Variants in ERICH1 observed in about 807,000 individuals in gnomAD.
ERICH1 encodes the protein glutamate-rich protein 1.
Under a neutral mutation model 39.6 loss-of-function variants are expected in ERICH1, and 56 were observed. That is an observed-to-expected ratio of 1.41 (90% CI 1.14 to 1.77). The LOEUF is 1.77. Ranked by LOEUF, ERICH1 falls within the 40% of genes most tolerant of loss-of-function variation. The probability of loss-of-function intolerance (pLI) is 0.00; values close to 1 mark genes in which losing one functional copy is unlikely to be tolerated. For missense variants in ERICH1, 826 were observed against 575.4 expected (o/e 1.44, Z -4.45); for synonymous variants, 313 against 223.6 (o/e 1.40, Z -3.57).
At chr8:622,563 T>C (rs560287158) in intron 3 of ERICH1, among the ~76,000 whole-genome samples, 9 of 152,272 alleles carry the variant, frequency 5.9e-5, no homozygotes, top group African/African-American at 1.9e-4. Context: ...ATTCTGCTGT[T>C]TATAAAGCAC....
chr8:704,891 G>A (rs971434972), intron 2 of ERICH1, among the ~76,000 whole-genome samples: 2 of 152,146 alleles, frequency 1.3e-5, no homozygotes, highest in African/African-American at 4.8e-5. Flanking sequence ...GCAGAACATT[G>A]CTGTTTTTAA....
At chr8:712,260 G>A (rs1052591809) in intron 2 of ERICH1, among the ~76,000 whole-genome samples, 2 of 152,008 alleles carry the variant, frequency 1.3e-5, no homozygotes, top group African/African-American at 2.4e-5. Context: ...CTATAATATC[G>A]AGTCTTCCTA....
chr8:639,110 G>A (rs57795950), intron 3 of ERICH1, among the ~76,000 whole-genome samples: 161 of 152,272 alleles, frequency 1.1e-3, no homozygotes, highest in African/African-American at 3.8e-3. Flanking sequence ...GTGGCCACCT[G>A]GCACTGGCTT....
chr8:634,199 A>AACAAACAAACAAACAAAAAAAT lies in ERICH1; in HGVS notation c.977-18916_977-18915insATTTTTTTGTTTGTTTGTTTGT, dbSNP rs1563171397. Reference sequence around the variant, plus strand: ...AAAAAAAAAAAAACAAACAAAAAAAACCCTGATTCAAAAATGGCCAAAGGA... The same window carrying AACAAACAAACAAACAAAAAAAT: ...AAAAAAAAAAAAACAAACAAAAAAAAACAAACAAACAAACAAAAAAATCCCTGATTCAAAAATGGCCAAAGGA... On this transcript the variant is annotated intron_variant, in intron 3 of 3. Coordinates refer to the ERICH1 transcript ENST00000522706. Among the ~76,000 whole-genome samples the AACAAACAAACAAACAAAAAAAT allele has an allele frequency of 1.1e-3, 164 of 151,292 alleles. 2 individuals carry two copies. The highest frequency in any genetic ancestry group is 3.8e-3 in the African/African-American group (156 of 40,750).
intron 1 of ERICH1, 38 bp from the exon 2 acceptor site, chr8:716,045 G>A (rs775296227): frequency 1.3e-6 from 2 of 1,564,682 alleles, no homozygotes; most frequent in Non-Finnish European, 1.7e-6. Flanking sequence ...GGAGGAAAAG[G>A]AATGAATTAT....
At chr8:697,752 T>G (rs911602822) in intron 2 of ERICH1, among the ~76,000 whole-genome samples, 2 of 149,582 alleles carry the variant, frequency 1.3e-5, no homozygotes, top group African/African-American at 4.9e-5. Context: ...GGACTTCAGC[T>G]GTCAGCACAG....
chr8:621,662 T>C (rs987544055), intron 3 of ERICH1, among the ~76,000 whole-genome samples: 1 of 152,106 alleles, frequency 6.6e-6, no homozygotes. Flanking sequence ...CAATGGTTAG[T>C]TCTTTGAAAA....
intron 3 of ERICH1, among the ~76,000 whole-genome samples, chr8:629,195 C>A (rs368702671): frequency 6.6e-6 from 1 of 152,192 alleles, no homozygotes; most frequent in African/African-American, 2.4e-5. Flanking sequence ...CCCTTCCTAG[C>A]CACACTCAGG....
chr8:633,275 C>A (rs1798167064), intron 3 of ERICH1, among the ~76,000 whole-genome samples: 1 of 152,152 alleles, frequency 6.6e-6, no homozygotes, highest in African/African-American at 2.4e-5. Flanking sequence ...AGAGGCACAG[C>A]TAAAAACGTG....
At chr8:658,199 C>T (rs372555390) in intron 3 of ERICH1, among the ~76,000 whole-genome samples, 16 of 152,260 alleles carry the variant, frequency 1.1e-4, no homozygotes, top group East Asian at 5.8e-4. Flanking sequence ...CACCCACCCT[C>T]ACCACAGGAA....
chr8:635,807 G>A (rs751983148), intron 3 of ERICH1, among the ~76,000 whole-genome samples: 10 of 152,224 alleles, frequency 6.6e-5, no homozygotes, highest in Non-Finnish European at 1.2e-4. Context: ...CATGCGTGCT[G>A]CACCCCACAG....
In ERICH1 at chr8:646,921, G is replaced by T. The variant is rs1367707281; in HGVS notation, c.976+21677C>A. Among the ~76,000 whole-genome samples, 2 of 69,420 alleles carry T rather than the reference G, an allele frequency of 2.9e-5. 1 individual carries two copies. The highest frequency in any genetic ancestry group is 7.3e-5 in the African/African-American group (2 of 27,538). The allele number at this position is 69,420 out of a possible 152,430, so 45.5% of individuals were successfully genotyped here. On this transcript the variant is annotated intron_variant, in intron 3 of 3. Transcript: ENST00000522706. ...CTTGCTGGCAAACAGGCTCATCCCA[G>T]AAGTCATGTGGCAAAGCAATTCACG...
intron 1 of ERICH1, among the ~76,000 whole-genome samples, chr8:719,358 T>C (rs773840758): frequency 2.6e-5 from 4 of 152,230 alleles, no homozygotes; most frequent in Non-Finnish European, 5.9e-5. Context: ...GCAGTTATTT[T>C]TTGGAACTGC....
At chr8:727,879 A>G (rs2132487904) in intron 1 of ERICH1, among the ~76,000 whole-genome samples, 1 of 152,326 alleles carries the variant, frequency 6.6e-6, no homozygotes, top group Non-Finnish European at 1.5e-5. Context: ...AGACGAATGC[A>G]GGGGGCACTG....
At position 617,790 on chromosome 8, in the gene ERICH1, C is replaced by T. The variant is rs1328681582; in HGVS notation, c.977-2506G>A. Among the ~76,000 whole-genome samples the T allele has an allele frequency of 4.0e-5, 6 of 149,984 alleles. No individual in the cohort carries two copies. In the East Asian group the frequency reaches 1.2e-3, roughly 30 times the overall value. ...CTGCGTGATTGGTGCTCAGTCCATC[C>T]TCACTGCCCTATGAGTGTTCACTAC... On this transcript the variant is annotated intron_variant, in intron 3 of 3. Transcript: ENST00000522706.
At chr8:622,541 T>G (rs1306655227) in intron 3 of ERICH1, among the ~76,000 whole-genome samples, 7 of 152,208 alleles carry the variant, frequency 4.6e-5, no homozygotes, top group Admixed American at 1.3e-4. Flanking sequence ...CCTCCAGAAC[T>G]GTGACCAATA....
At chr8:701,294 G>T in intron 2 of ERICH1, among the ~76,000 whole-genome samples, 1 of 152,258 alleles carries the variant, frequency 6.6e-6, no homozygotes, top group South Asian at 2.1e-4. Context: ...CCCGCCGGAC[G>T]GGAGCACGCC....
intron 4 of ERICH1, chr8:672,344 C>T (rs748434317): frequency 6.6e-6 from 1 of 152,230 alleles, no homozygotes; most frequent in African/African-American, 2.4e-5. Context: ...TGCTGAGAAA[C>T]ACGCTAAAGA....
chr8:683,120 C>G (rs533625610), intron 3 of ERICH1, among the ~76,000 whole-genome samples: 20 of 152,184 alleles, frequency 1.3e-4, no homozygotes, highest in Admixed American at 2.6e-4. Context: ...GACGCGGACA[C>G]TCCGGCCTGC....
Sources: allele counts gnomAD v4.1 joint callset (sites outside exome capture counted in the v4.1 genomes callset), GRCh38; gene constraint gnomAD v4.1.1; transcripts MANE v1.5; gene names NCBI Gene and HGNC (gene_info 2026-07-23, HGNC 2026-07-21).